The following PTCH1 variants were observed in gnomAD, a reference collection of about 807,000 sequenced individuals.
PTCH1 encodes patched 1, also known as protein patched homolog 1.
Under a neutral mutation model 144.6 loss-of-function variants are expected in PTCH1, and 14 were observed. The observed-to-expected ratio is 0.10, with a 90% CI of 0.06 to 0.15. The LOEUF (loss-of-function observed/expected upper bound fraction) is 0.15. Ranked by LOEUF, PTCH1 falls within the 10% of genes least tolerant of loss-of-function variation. The pLI is 1.00. For missense variants in PTCH1, 1,623 were observed against 1,948.3 expected (o/e 0.83, Z 3.14); for synonymous variants, 833 against 793.6 (o/e 1.05, Z -0.83).
At chr9:95,448,460 G>A (rs947220037) in intron 22 of PTCH1, among the ~76,000 whole-genome samples, 3 of 152,090 alleles carry the variant, frequency 2.0e-5, no homozygotes, top group African/African-American at 7.2e-5. Flanking sequence ...CTCCGAGGAG[G>A]GGCTCCCAGG....
In PTCH1 at chr9:95,468,908, C is replaced by T. The variant is rs763724025; in HGVS notation, c.2093G>A (p.Ser698Asn). ...QPVTVTQDTL[S>N]CQSPESTSST... ...GCTGGTGCTCTCTGGGCTCTGGCAG[C>T]TGAGGGTGTCCTGTGTCACGGTGAC... The change falls in exon 14 of 24, where the codon AGC (serine) becomes AAC (asparagine). Residue 698 changes from serine (S) to asparagine (N), a missense_variant. Coordinates refer to ENST00000331920, the MANE Select transcript of PTCH1 (RefSeq NM_000264.5). 6.2e-7 allele frequency: 1 copy of T among 1,614,106 alleles called. No individual in the cohort carries two copies. Among genetic ancestry groups the T allele is most frequent in the Non-Finnish European group, 8.5e-7 (1 of 1,180,034 alleles).
At chr9:95,506,238 G>A (rs866597058) in intron 2 of PTCH1, 169 bp downstream of exon 2, 1 of 746,952 alleles carries the variant, frequency 1.3e-6, no homozygotes, top group Non-Finnish European at 2.1e-6. Context: ...GGCCTTTGTC[G>A]GGCGGGCCTG....
intron 3 of PTCH1, among the ~76,000 whole-genome samples, chr9:95,485,151 A>G (rs1166515704): frequency 6.6e-6 from 1 of 152,166 alleles, no homozygotes; most frequent in Admixed American, 6.5e-5. Context: ...GGTTGCAGTG[A>G]GCCGAGATTA....
At chr9:95,508,032 GGTGTGAGTGAGTGT>G in intron 1 of PTCH1, 115 bp downstream of exon 1, 1 of 1,515,658 alleles carries the variant, frequency 6.6e-7, no homozygotes, top group Non-Finnish European at 8.8e-7. Context: ...TTCCTGGAGA[GGTGTGAGTGAGTGT>G]GTGTGTGTGT....
chr9:95,499,871 C>T (rs184899913), intron 2 of PTCH1, among the ~76,000 whole-genome samples: 3 of 152,036 alleles, frequency 2.0e-5, no homozygotes, highest in East Asian at 1.9e-4. Flanking sequence ...AGGCAGAAGG[C>T]GGCCACCAAA....
chr9:95,499,235 A>G (rs192417737), intron 2 of PTCH1, among the ~76,000 whole-genome samples: 35 of 151,966 alleles, frequency 2.3e-4, no homozygotes, highest in Non-Finnish European at 4.1e-4. Flanking sequence ...CAGGGGAATC[A>G]CATCTTCTGC....
In PTCH1 at chr9:95,469,925, C is replaced by T. The variant is rs751708515; in HGVS notation, c.1735G>A (p.Val579Ile). The T allele has an allele frequency of 1.2e-5, 20 of 1,613,594 alleles. No individual in the cohort carries two copies. Among genetic ancestry groups the T allele is most frequent in the Non-Finnish European group, 1.7e-5 (20 of 1,179,640 alleles). The change falls in exon 13 of 24, where the codon GTA (valine) becomes ATA (isoleucine). Residue 579 changes from valine (V) to isoleucine (I), a missense_variant. Physicochemically the swap from Val to Ile is conservative, Grantham distance 29. Transcript: ENST00000331920. ...ALRAFSLQAA[V>I]VVVFNFAMVL... Reference sequence around the variant, plus strand: ...ATGGCAAAATTGAACACCACTACTACCGCTGCCTGGGAGCAGAAAAAAAAT... The same window carrying T: ...ATGGCAAAATTGAACACCACTACTATCGCTGCCTGGGAGCAGAAAAAAAAT...
intron 2 of PTCH1, among the ~76,000 whole-genome samples, chr9:95,492,816 G>A (rs1340134967): frequency 8.4e-6 from 1 of 118,810 alleles, no homozygotes. Flanking sequence ...CCAGTGAGGA[G>A]ATGCATTTTT....
At chr9:95,506,254 C>G (rs986317730) in intron 2 of PTCH1, 153 bp downstream of exon 2, 23 of 914,704 alleles carry the variant, frequency 2.5e-5, no homozygotes, top group Middle Eastern at 3.5e-4. Context: ...GCCTGGCTCC[C>G]GGCCAGGCGC....
At chr9:95,512,390 G>A (rs1389902920), upstream of PTCH1, among the ~76,000 whole-genome samples, 1 of 108,268 alleles carries the variant, frequency 9.2e-6, no homozygotes, top group Non-Finnish European at 1.9e-5. Flanking sequence ...CCCCCCACCC[G>A]CCGCTTCCCC....
intron 12 of PTCH1, among the ~76,000 whole-genome samples, chr9:95,475,743 AG>A (rs1351881014): frequency 6.6e-6 from 1 of 152,126 alleles, no homozygotes. Flanking sequence ...AACATGGAGT[AG>A]CCCCGAAAGC....
intron 9 of PTCH1, 29 bp downstream of exon 9, chr9:95,478,026 G>A (rs752340395): frequency 4.3e-6 from 7 of 1,614,094 alleles, no homozygotes; most frequent in Non-Finnish European, 5.9e-6. Context: ...CCAAACTCCA[G>A]CCCCCAGGAG....
In PTCH1 at chr9:95,480,557, C is replaced by T. The variant is rs765174527; in HGVS notation, c.778G>A (p.Asp260Asn). ...AACTCTTCCAGGAATTCCAAAGGGT[C>T]GAAGTTTGTCCACCGCAAAGGAGGT... Reference protein sequence around the residue: ...GKPPLRWTNFDPLEFLEELKK... With the variant: ...GKPPLRWTNFNPLEFLEELKK... The change falls in exon 6 of 24, where the codon GAC becomes AAC. Residue 260 changes from aspartate (D) to asparagine (N), a missense_variant. Asp to Asn is a conservative substitution (Grantham distance 23, BLOSUM62 1). Transcript: ENST00000331920. 1.5e-5 allele frequency: 25 copies of T among 1,613,430 alleles called. No individual in the cohort carries two copies. Among genetic ancestry groups the T allele is most frequent in the South Asian group, 2.2e-5 (2 of 90,978 alleles).
chr9:95,491,273 G>A (rs1158642162), intron 2 of PTCH1, among the ~76,000 whole-genome samples: 1 of 152,204 alleles, frequency 6.6e-6, no homozygotes, highest in East Asian at 1.9e-4. Context: ...TACCAGACAG[G>A]CAGTGAGAAT....
intron 2 of PTCH1, among the ~76,000 whole-genome samples, chr9:95,501,142 T>A (rs1187847152): frequency 6.6e-6 from 1 of 152,172 alleles, no homozygotes; most frequent in Admixed American, 6.5e-5. Flanking sequence ...AGTCTTCCAA[T>A]CAAAATCTTT....
At position 95,508,227 on chromosome 9, in the gene PTCH1, C is replaced by T. The variant is rs1157356288; in HGVS notation, c.135G>A (p.Pro45=). 6.2e-7 allele frequency: 1 copy of T among 1,610,842 alleles called. No homozygotes were observed. Among genetic ancestry groups the T allele is most frequent in the East Asian group, 2.2e-5 (1 of 44,858 alleles). ...TGGGCCGGTGCAGATAGTCCCGGTCCGGCGCGGCAGCACGGCGCAGCCCCC... is the reference window on the plus strand; with the variant it reads ...TGGGCCGGTGCAGATAGTCCCGGTCTGGCGCGGCAGCACGGCGCAGCCCCC... ...RTGGLRRAAA[P]DRDYLHRPSY... is the part of the protein sequence containing the mutation. Residue 45 remains proline (P), a synonymous_variant, in exon 1 of 24, where the codon CCG becomes CCA. Transcript: ENST00000331920.
rs1165662230 is a variant in PTCH1, at chr9:95,469,073, G to C, written c.1928C>G (p.Pro643Arg). 3 of 1,614,126 alleles carry C rather than the reference G, an allele frequency of 1.9e-6. No homozygotes were observed. The highest frequency in any genetic ancestry group is 2.5e-6 in the Non-Finnish European group (3 of 1,180,032). ...THDNTRYSPP[P>R]PYSSHSFAHE... Reference sequence around the variant, plus strand: ...GGCAAAGCTGTGGCTGCTGTAGGGAGGTGGGGGGCTGTAGCGGGTATTGTC... The same window carrying C: ...GGCAAAGCTGTGGCTGCTGTAGGGACGTGGGGGGCTGTAGCGGGTATTGTC... Residue 643 changes from proline to arginine, a missense_variant, in exon 14 of 24, where the codon CCT (proline) becomes CGT (arginine). Physicochemically the swap from Pro to Arg is moderately radical, Grantham distance 103. Transcript: ENST00000331920.
At chr9:95,462,626 A>C (rs1588553957) in intron 15 of PTCH1, among the ~76,000 whole-genome samples, 1 of 152,096 alleles carries the variant, frequency 6.6e-6, no homozygotes, top group East Asian at 1.9e-4. Context: ...TCCTCAGGAG[A>C]GGGGGTGGAG....
Position 95,485,901 on chromosome 9 carries a change from G to C in PTCH1, c.395-27C>G, listed in dbSNP as rs1314921643. On this transcript the variant is annotated intron_variant, in intron 2 of 23. Transcript: ENST00000331920. ...TGACAAATATGTACAGGTTTAATTAGAATAGCAAAATCACTGCAAACTCAT... is the reference window on the plus strand; with the variant it reads ...TGACAAATATGTACAGGTTTAATTACAATAGCAAAATCACTGCAAACTCAT... The C allele has an allele frequency of 3.1e-6, 5 of 1,612,932 alleles. No homozygotes were observed. The African/African-American group carries it at 5.3e-5, about 17-fold the overall frequency.
Sources: gnomAD v4.1 joint callset for allele counts (sites outside exome capture counted in the v4.1 genomes callset) on GRCh38, gnomAD v4.1.1 for gene constraint, MANE v1.5 for transcripts, NCBI Gene and HGNC (gene_info 2026-07-23, HGNC 2026-07-21) for gene names.